The following CCDC91 variants were observed in gnomAD, a reference collection of about 807,000 sequenced individuals.
CCDC91 encodes the protein coiled-coil domain containing 91.
Under a neutral mutation model 63.2 loss-of-function variants are expected in CCDC91, and 48 were observed. The ratio of observed to expected loss-of-function variants is 0.76; its 90% CI spans 0.60 to 0.97. The LOEUF is 0.97. Among genes scored for constraint, CCDC91 ranks in the 50% least tolerant of loss-of-function variants. The probability of loss-of-function intolerance (pLI) is 0.00; values close to 1 mark genes in which losing one functional copy is unlikely to be tolerated. For missense variants in CCDC91, 500 were observed against 494.6 expected (o/e 1.01, Z -0.10); for synonymous variants, 167 against 165.8 (o/e 1.01, Z -0.06).
At chr12:28,284,119 TC>T (rs1948769261) in intron 3 of CCDC91, among the ~76,000 whole-genome samples, 2 of 152,244 alleles carry the variant, frequency 1.3e-5, no homozygotes, top group East Asian at 3.9e-4. Context: ...CCTTTCTTCT[TC>T]TTTTTTTTTA....
chr12:28,199,128 G>C (rs1942010727), intron 1 of CCDC91: 1 of 151,862 alleles, frequency 6.6e-6, no homozygotes, highest in African/African-American at 2.4e-5. Flanking sequence ...TGCCTGAGCT[G>C]GTCTTGAACT....
At chr12:28,232,815 ATACCAT>A (rs972866889) in intron 1 of CCDC91, among the ~76,000 whole-genome samples, 20 of 152,106 alleles carry the variant, frequency 1.3e-4, no homozygotes, top group African/African-American at 4.6e-4. Flanking sequence ...TGTGTTAAAA[ATACCAT>A]TACTCAAAAA....
In CCDC91 at chr12:28,223,739, G is replaced by A. The variant is rs190922065; in HGVS notation, c.-15+33098G>A. ...AGGTGTTAACTTATACTATTGTAGC[G>A]TTAAGCACTTTTGAGTTAGATTTAA... On this transcript the variant is annotated intron_variant, in intron 1 of 12. Coordinates refer to ENST00000536442, the MANE Select transcript of CCDC91 (RefSeq NM_018318.5). 2.2e-3 allele frequency among the ~76,000 whole-genome samples: 328 copies of A among 152,318 alleles called. 1 individual carries two copies. Among genetic ancestry groups the A allele is most frequent in the Non-Finnish European group, 3.0e-3 (207 of 68,022 alleles).
At chr12:28,422,210 C>T (rs952177687) in intron 8 of CCDC91, among the ~76,000 whole-genome samples, 9 of 152,048 alleles carry the variant, frequency 5.9e-5, no homozygotes, top group African/African-American at 2.2e-4. Flanking sequence ...CAAAATCAAT[C>T]ACATCAAAAT....
chr12:28,311,966 T>C (rs1358917079), intron 6 of CCDC91, among the ~76,000 whole-genome samples: 1 of 152,044 alleles, frequency 6.6e-6, no homozygotes, highest in Non-Finnish European at 1.5e-5. Context: ...CCCTAGTTAG[T>C]CTGCCTTCCC....
chr12:28,304,627 G>A lies in CCDC91; in HGVS notation c.110-1022G>A, dbSNP rs533966793. On this transcript the variant is annotated intron_variant, in intron 3 of 12. Coordinates refer to ENST00000536442, the MANE Select transcript of CCDC91 (RefSeq NM_018318.5). ...GGCCTTATAAATGTCTTTCTTCAGG[G>A]AAACATGCAATTTTCATTGTGAGCT... 12 of 1,257,848 alleles carry A rather than the reference G, an allele frequency of 9.5e-6. No homozygotes were observed. The Admixed American group carries it at 2.8e-4, about 29-fold the overall frequency. The allele number at this position is 1,257,848 out of a possible 1,614,324, so 77.9% of individuals were successfully genotyped here.
At chr12:28,295,869 C>T (rs910649882) in intron 3 of CCDC91, among the ~76,000 whole-genome samples, 2 of 151,834 alleles carry the variant, frequency 1.3e-5, no homozygotes, top group African/African-American at 4.8e-5. Flanking sequence ...TTTTCTTGCA[C>T]TTCAGAAATT....
intron 8 of CCDC91, among the ~76,000 whole-genome samples, chr12:28,420,603 G>C (rs1947943735): frequency 6.6e-6 from 1 of 151,996 alleles, no homozygotes; most frequent in Non-Finnish European, 1.5e-5. Context: ...GAAAGGTAAA[G>C]GAAGAAGAAG....
At chr12:28,458,606 A>G (rs1361276712) in intron 11 of CCDC91, among the ~76,000 whole-genome samples, 1 of 151,566 alleles carries the variant, frequency 6.6e-6, no homozygotes, top group Non-Finnish European at 1.5e-5. Flanking sequence ...AATAGCTGCA[A>G]CTACAGGTGC....
intron 6 of CCDC91, among the ~76,000 whole-genome samples, chr12:28,360,222 A>G (rs1382907964): frequency 6.6e-6 from 1 of 152,248 alleles, no homozygotes; most frequent in African/African-American, 2.4e-5. Context: ...TACCAGAAAA[A>G]AGAATAAGAT....
intron 1 of CCDC91, among the ~76,000 whole-genome samples, chr12:28,199,268 A>C (rs1942022871): frequency 6.6e-6 from 1 of 151,492 alleles, no homozygotes; most frequent in South Asian, 2.1e-4. Context: ...CCTGGGACTT[A>C]CAAATAGTAC....
intron 11 of CCDC91, among the ~76,000 whole-genome samples, chr12:28,478,528 A>T (rs558383771): frequency 1.3e-5 from 2 of 152,280 alleles, no homozygotes; most frequent in Admixed American, 6.5e-5. Context: ...AACCTAGGCA[A>T]TACCATTCAG....
chr12:28,322,220 C>G (rs11049530), intron 6 of CCDC91, among the ~76,000 whole-genome samples: 30,443 of 151,718 alleles, frequency 0.2, 4,012 homozygotes, highest in Non-Finnish European at 0.3. Context: ...AGGATAGTTG[C>G]TAGGGAGCCT....
chr12:28,350,676 A>C (rs1317259086), intron 6 of CCDC91, among the ~76,000 whole-genome samples: 1 of 152,164 alleles, frequency 6.6e-6, no homozygotes, highest in Non-Finnish European at 1.5e-5. Context: ...TTTGAAATTA[A>C]TGTGTCAGCA....
At chr12:28,251,260 A>C (rs1459109060) in intron 1 of CCDC91, among the ~76,000 whole-genome samples, 1 of 152,074 alleles carries the variant, frequency 6.6e-6, no homozygotes, top group Non-Finnish European at 1.5e-5. Context: ...GTCAGTTATC[A>C]AAATGTCTTT....
intron 3 of CCDC91, among the ~76,000 whole-genome samples, chr12:28,261,826 C>T (rs1785745004): frequency 6.6e-6 from 1 of 151,754 alleles, no homozygotes; most frequent in Non-Finnish European, 1.5e-5. Flanking sequence ...AATCATCTGG[C>T]ACACACACAC....
At chr12:28,399,365 C>T (rs1311904202) in intron 8 of CCDC91, among the ~76,000 whole-genome samples, 1 of 152,122 alleles carries the variant, frequency 6.6e-6, no homozygotes, top group Non-Finnish European at 1.5e-5. Flanking sequence ...ACCATGATTT[C>T]CTCCCACTGG....
intron 7 of CCDC91, among the ~76,000 whole-genome samples, chr12:28,365,266 C>T (rs909520496): frequency 2.0e-5 from 3 of 152,088 alleles, no homozygotes; most frequent in Non-Finnish European, 4.4e-5. Context: ...TTTGTAAATA[C>T]TAGAATAGTT....
intron 6 of CCDC91, among the ~76,000 whole-genome samples, chr12:28,329,493 C>T (rs896687811): frequency 5.3e-5 from 8 of 151,944 alleles, no homozygotes; most frequent in African/African-American, 1.9e-4. Flanking sequence ...ATGATAAGGT[C>T]TACATATACT....
Sources: gnomAD v4.1 joint callset for allele counts (sites outside exome capture counted in the v4.1 genomes callset) on GRCh38, gnomAD v4.1.1 for gene constraint, MANE v1.5 for transcripts, NCBI Gene and HGNC (gene_info 2026-07-23, HGNC 2026-07-21) for gene names.